Variants in MPPE1 observed in about 807,000 individuals in gnomAD.
MPPE1 encodes the protein metallo phosphoesterase.
A neutral mutation model predicts 43.8 loss-of-function variants in MPPE1; 28 were observed. The ratio of observed to expected loss-of-function variants is 0.64; its 90% confidence interval spans 0.47 to 0.88. The LOEUF (loss-of-function observed/expected upper bound fraction) is 0.88, where lower values mean the gene tolerates loss of function less well. Ranked by LOEUF, MPPE1 falls within the 40% of genes least tolerant of loss-of-function variation. MPPE1 has a pLI of 0.00. For synonymous variants in MPPE1, 159 were observed against 188.5 expected (o/e 0.84, Z 1.28); for missense variants, 428 against 492.2 (o/e 0.87, Z 1.23).
intron 2 of MPPE1, among the ~76,000 whole-genome samples, chr18:11,898,140 C>A (rs1717500322): frequency 6.6e-6 from 1 of 152,212 alleles, no homozygotes; most frequent in East Asian, 1.9e-4. Context: ...GTGATCTGGG[C>A]TCACTGCAAC....
chr18:11,885,841 AAGCAGGCTG>A, intron 9 of MPPE1, 25 bp from the exon 10 acceptor site: 1 of 1,588,614 alleles, frequency 6.3e-7, no homozygotes, highest in Non-Finnish European at 8.6e-7. Flanking sequence ...GAAGACAGCA[AAGCAGGCTG>A]TTAGCTCATC....
chr18:11,897,083 C>T lies in MPPE1; in HGVS notation c.182G>A (p.Gly61Asp). 1 of 1,523,432 alleles carries T rather than the reference C, an allele frequency of 6.6e-7. No individual in the cohort carries two copies. The highest frequency in any genetic ancestry group is 1.4e-5 in the African/African-American group (1 of 72,496). The allele number at this position is 1,523,432 out of a possible 1,614,324, so 94.4% of individuals were successfully genotyped here. A position where few individuals can be genotyped will look rare whatever the true frequency, so the allele number is the denominator to read the frequency against. The change falls in exon 3 of 11, where the codon GGT (glycine) becomes GAT (aspartate). Residue 61 changes from glycine to aspartate, a missense_variant. Transcript: ENST00000588072. ...CACAGGCTCACGTGTGGTCTGTTCA[C>T]CATCAGAGGCTGTGGTTTTCACTTC... Reference protein sequence around the residue: ...WPEVKTTASDGEQTTREPVLK... With the variant: ...WPEVKTTASDDEQTTREPVLK...
At chr18:11,898,574 A>C (rs1189935285) in intron 2 of MPPE1, among the ~76,000 whole-genome samples, 1 of 152,154 alleles carries the variant, frequency 6.6e-6, no homozygotes, top group Non-Finnish European at 1.5e-5. Context: ...GACTTCCTTC[A>C]ATTTCTCCTA....
chr18:11,903,815 AAAAAAC>A (rs954313364), intron 2 of MPPE1, among the ~76,000 whole-genome samples: 7 of 142,056 alleles, frequency 4.9e-5, no homozygotes, highest in African/African-American at 1.4e-4. Context: ...CAAAAAAACA[AAAAAAC>A]AAAAACAAAA....
At chr18:11,900,769 T>C (rs868087854) in intron 2 of MPPE1, among the ~76,000 whole-genome samples, 10 of 151,890 alleles carry the variant, frequency 6.6e-5, no homozygotes, top group Middle Eastern at 6.8e-3. Flanking sequence ...TAGCCAGGCG[T>C]GGTGGCAGAC....
chr18:11,883,177 ACAGT>A lies in MPPE1; in HGVS notation c.*1264_*1267del, dbSNP rs775784388. On this transcript the variant is annotated 3_prime_UTR_variant, in exon 11 of 11. Transcript: ENST00000588072. ...TCATGAAGAAAGGATAACTTTATAG[ACAGT>A]CAGTGCAACACACACATTTTATCTC... 1 of 151,968 alleles carries A rather than the reference ACAGT, an allele frequency of 6.6e-6. No homozygotes were observed. The allele number at this position is 151,968 out of a possible 1,614,324, so 9.4% of individuals were successfully genotyped here.
chr18:11,898,401 G>A (rs115234292), intron 2 of MPPE1, among the ~76,000 whole-genome samples: 5,475 of 152,108 alleles, frequency 0.036, 191 homozygotes, highest in Middle Eastern at 0.096. Context: ...AAGCAAGGAT[G>A]ATGATAATAG....
chr18:11,907,154 A>AACT (rs2143534174), intron 1 of MPPE1, among the ~76,000 whole-genome samples: 1 of 152,298 alleles, frequency 6.6e-6, no homozygotes. Context: ...CTGGACACTT[A>AACT]ACTTACCTGG....
At chr18:11,887,416 C>T (rs1323557426) in intron 6 of MPPE1, among the ~76,000 whole-genome samples, 1 of 152,164 alleles carries the variant, frequency 6.6e-6, no homozygotes, top group African/African-American at 2.4e-5. Context: ...AATGACATGG[C>T]AGGTGTTTAG....
intron 4 of MPPE1, among the ~76,000 whole-genome samples, chr18:11,892,548 C>G (rs879508752): frequency 6.6e-6 from 1 of 151,770 alleles, no homozygotes; most frequent in Non-Finnish European, 1.5e-5. Flanking sequence ...ACAGGAAATG[C>G]CTGTAATCCT....
intron 2 of MPPE1, among the ~76,000 whole-genome samples, chr18:11,899,041 G>A (rs2038877271): frequency 6.6e-6 from 1 of 151,768 alleles, no homozygotes; most frequent in Non-Finnish European, 1.5e-5. Context: ...CCGAGTAGCT[G>A]GGATTACAGG....
chr18:11,888,783 C>A, intron 5 of MPPE1, 40 bp from the exon 6 acceptor site: 1 of 1,304,964 alleles, frequency 7.7e-7, no homozygotes, highest in Non-Finnish European at 1.1e-6. Context: ...TCAGGACAAG[C>A]CATTTTAGAA....
At chr18:11,890,403 G>C (rs1162571982) in intron 4 of MPPE1, among the ~76,000 whole-genome samples, 1 of 152,118 alleles carries the variant, frequency 6.6e-6, no homozygotes, top group Non-Finnish European at 1.5e-5. Context: ...TCTGCCTCCA[G>C]TGTTCAAGTG....
intron 3 of MPPE1, 114 bp downstream of exon 3, chr18:11,896,870 C>A: frequency 1.0e-6 from 1 of 971,414 alleles, no homozygotes; most frequent in East Asian, 2.6e-5. Flanking sequence ...AAATGTCCTC[C>A]TTTGAGAGGA....
intron 2 of MPPE1, 180 bp from the exon 3 acceptor site, chr18:11,897,536 C>T: frequency 2.6e-6 from 1 of 385,458 alleles, no homozygotes; most frequent in Non-Finnish European, 4.7e-6. Flanking sequence ...CTCTCTGACT[C>T]CTTCAAGCTC....
Position 11,884,414 on chromosome 18 carries a change from G to C in MPPE1, c.*31C>G. On this transcript the variant is annotated 3_prime_UTR_variant, in exon 11 of 11. Transcript: ENST00000588072. ...ATCTCTGCCCAAAGTTCCATTTCTTGGGCTTTGATATTTATAATGGCGCCT... is the reference window on the plus strand; with the variant it reads ...ATCTCTGCCCAAAGTTCCATTTCTTCGGCTTTGATATTTATAATGGCGCCT... The C allele has an allele frequency of 6.2e-7, 1 of 1,601,828 alleles. No homozygotes were observed. Among genetic ancestry groups the C allele is most frequent in the Non-Finnish European group, 8.5e-7 (1 of 1,171,184 alleles).
At chr18:11,885,082 T>G in intron 10 of MPPE1, 5 of 1,264,834 alleles carry the variant, frequency 4.0e-6, no homozygotes, top group Non-Finnish European at 5.1e-6. Context: ...CATGGGCTTT[T>G]CTTTGCAGAT....
chr18:11,899,440 GCTTCTGTAAGGGAAC>G (rs1479581683), intron 2 of MPPE1, among the ~76,000 whole-genome samples: 1 of 152,222 alleles, frequency 6.6e-6, no homozygotes, highest in Admixed American at 6.5e-5. Flanking sequence ...ATGTATAGTG[GCTTCTGTAAGGGAAC>G]CTTCAAAATT....
intron 2 of MPPE1, among the ~76,000 whole-genome samples, chr18:11,903,755 G>C (rs191265943): frequency 6.2e-4 from 94 of 152,296 alleles, no homozygotes; most frequent in African/African-American, 2.2e-3. Flanking sequence ...GCAGTGAACC[G>C]AGATCGCGCC....
Sources: allele counts gnomAD v4.1 joint callset (sites outside exome capture counted in the v4.1 genomes callset), GRCh38; gene constraint gnomAD v4.1.1; transcripts MANE v1.5; gene names NCBI Gene and HGNC (gene_info 2026-07-23, HGNC 2026-07-21).